TMC1: variants seen among roughly 807,000 people sequenced by gnomAD.
The protein encoded by TMC1 is transmembrane channel-like protein 1.
A neutral mutation model predicts 105.8 loss-of-function variants in TMC1; 84 were observed. The ratio of observed to expected loss-of-function variants is 0.79; its 90% CI spans 0.67 to 0.95. TMC1 has a LOEUF of 0.95. Ranked by LOEUF, TMC1 falls within the 40% of genes least tolerant of loss-of-function variation. The probability of loss-of-function intolerance (pLI) is 0.00; values close to 1 mark genes in which losing one functional copy is unlikely to be tolerated. For synonymous variants in TMC1, 315 were observed against 311.5 expected, an observed-to-expected ratio of 1.01 and a Z score of -0.12; for missense variants, 817 against 914.1, an observed-to-expected ratio of 0.89 and a Z score of 1.37.
At chr9:72,806,141 C>A (rs1281933933) in intron 18 of TMC1, among the ~76,000 whole-genome samples, 2 of 151,192 alleles carry the variant, frequency 1.3e-5, no homozygotes, top group Non-Finnish European at 3.0e-5. Context: ...GCGCCCCTCA[C>A]CTCCCGGGCG....
intron 2 of TMC1, among the ~76,000 whole-genome samples, chr9:72,592,312 G>C (rs964882121): frequency 6.6e-6 from 1 of 152,170 alleles, no homozygotes; most frequent in Non-Finnish European, 1.5e-5. Context: ...CATATATGTG[G>C]AACCTGGAAG....
At chr9:72,770,378 T>TA (rs1827905787) in intron 12 of TMC1, among the ~76,000 whole-genome samples, 1 of 132,774 alleles carries the variant, frequency 7.5e-6, no homozygotes, top group African/African-American at 3.0e-5. Context: ...ATTTATTATA[T>TA]AAATCTTTAT....
chr9:72,660,452 C>A (rs527351310), intron 5 of TMC1, among the ~76,000 whole-genome samples: 1 of 152,046 alleles, frequency 6.6e-6, no homozygotes, highest in Non-Finnish European at 1.5e-5. Flanking sequence ...AAAAAAATAA[C>A]CTTTTATTTT....
At chr9:72,811,565 A>G (rs939481040) in intron 18 of TMC1, among the ~76,000 whole-genome samples, 12 of 152,168 alleles carry the variant, frequency 7.9e-5, no homozygotes, top group Non-Finnish European at 2.9e-5. Context: ...TTTCATTGAC[A>G]CCATTCTTAC....
At chr9:72,626,406 G>T (rs1825347990) in intron 3 of TMC1, among the ~76,000 whole-genome samples, 1 of 152,144 alleles carries the variant, frequency 6.6e-6, no homozygotes, top group African/African-American at 2.4e-5. Flanking sequence ...AAGGAGAAAA[G>T]TGCTTGAAGT....
chr9:72,709,397 C>A (rs970731004), intron 8 of TMC1, among the ~76,000 whole-genome samples: 22 of 152,054 alleles, frequency 1.4e-4, no homozygotes, highest in Non-Finnish European at 8.8e-5. Flanking sequence ...AGGGAGTACT[C>A]CCTCTTTCTC....
chr9:72,762,376 A>T (rs1181642110), intron 12 of TMC1, among the ~76,000 whole-genome samples: 1 of 152,184 alleles, frequency 6.6e-6, no homozygotes, highest in African/African-American at 2.4e-5. Flanking sequence ...AGAGCTGAGC[A>T]GCACGCCCAG....
rs1345229123 is a variant in TMC1 at position 72,837,299 on chromosome 9, T to C, written c.*1326T>C. ...CCTAAGATCTCCGGCTCAGGTGTTT[T>C]CTATCTATTGGGAGACTGTCTTTCC... On this transcript the variant is annotated 3_prime_UTR_variant, in exon 24 of 24. Coordinates refer to ENST00000297784, the MANE Select transcript of TMC1 (RefSeq NM_138691.3). 1 of 152,220 alleles carries C rather than the reference T, an allele frequency of 6.6e-6. No individual in the cohort carries two copies. Among genetic ancestry groups the C allele is most frequent in the East Asian group, 1.9e-4 (1 of 5,194 alleles). 9.4% of individuals were successfully genotyped at this position (152,220 alleles called of 1,614,324 possible).
At chr9:72,707,974 A>C (rs769448420) in intron 8 of TMC1, among the ~76,000 whole-genome samples, 31 of 152,182 alleles carry the variant, frequency 2.0e-4, no homozygotes, top group Non-Finnish European at 4.0e-4. Flanking sequence ...ATTCTCCTGC[A>C]TGTGGCTAGC....
At chr9:72,589,343 TA>T (rs748079496) in intron 2 of TMC1, among the ~76,000 whole-genome samples, 41 of 152,250 alleles carry the variant, frequency 2.7e-4, no homozygotes, top group Non-Finnish European at 5.6e-4. Flanking sequence ...TGTGAACTAT[TA>T]ATACAATCTG....
intron 20 of TMC1, among the ~76,000 whole-genome samples, chr9:72,823,938 A>G (rs1016518781): frequency 6.6e-6 from 1 of 152,200 alleles, no homozygotes; most frequent in Admixed American, 6.5e-5. Context: ...ACTTTTTAGC[A>G]TTTTATATTC....
At position 72,676,044 on chromosome 9, in the gene TMC1, T is replaced by C. The variant is rs554921150; in HGVS notation, c.17-12665T>C. ...GCATGGACTAGAATTCATCCTCCAA[T>C]TGGTAACAAGAAAAAATTGGATGGG... On this transcript the variant is annotated intron_variant, in intron 5 of 23. Coordinates refer to ENST00000297784, the MANE Select transcript of TMC1 (RefSeq NM_138691.3). Among the ~76,000 whole-genome samples, 3 of 152,254 alleles carry C rather than the reference T, an allele frequency of 2.0e-5. No homozygotes were observed. In the East Asian group the frequency reaches 5.8e-4, roughly 29 times the overall value.
chr9:72,672,306 A>G (rs563132166), intron 5 of TMC1, among the ~76,000 whole-genome samples: 1 of 152,004 alleles, frequency 6.6e-6, no homozygotes, highest in Admixed American at 6.6e-5. Flanking sequence ...AGTGATGTAC[A>G]GACTTTGTTT....
chr9:72,629,923 T>C (rs1481437874), intron 4 of TMC1, among the ~76,000 whole-genome samples: 1 of 152,164 alleles, frequency 6.6e-6, no homozygotes, highest in Non-Finnish European at 1.5e-5. Context: ...TGGAGTGCAA[T>C]GGCGTGATCT....
At chr9:72,754,657 C>T in intron 11 of TMC1, 129 bp from the exon 12 acceptor site, 4 of 730,588 alleles carry the variant, frequency 5.5e-6, no homozygotes, top group Non-Finnish European at 7.4e-6. Context: ...AATGGGACCC[C>T]ACATGGAGAC....
chr9:72,581,483 CT>C (rs1824474228), intron 2 of TMC1, among the ~76,000 whole-genome samples: 1 of 152,120 alleles, frequency 6.6e-6, no homozygotes, highest in South Asian at 2.1e-4. Flanking sequence ...GTCTTTCATT[CT>C]TCTTTCTCAA....
chr9:72,683,919 C>T (rs539938364), intron 5 of TMC1, among the ~76,000 whole-genome samples: 1 of 151,196 alleles, frequency 6.6e-6, no homozygotes, highest in African/African-American at 2.4e-5. Context: ...TTTCTCCTCT[C>T]ATTCTTTTTC....
At chr9:72,617,447 C>T (rs561865561) in intron 3 of TMC1, among the ~76,000 whole-genome samples, 1 of 152,238 alleles carries the variant, frequency 6.6e-6, no homozygotes, top group Non-Finnish European at 1.5e-5. Flanking sequence ...CAGGCATGAG[C>T]CATTGTGCCT....
chr9:72,709,010 C>CG (rs35584155), intron 8 of TMC1, among the ~76,000 whole-genome samples: 17,944 of 142,522 alleles, frequency 0.13, 1,113 homozygotes, highest in Non-Finnish European at 0.15. Flanking sequence ...ATTTTTTTTT[C>CG]GGGGGGGTGG....
Sources: allele counts gnomAD v4.1 joint callset (sites outside exome capture counted in the v4.1 genomes callset), GRCh38; gene constraint gnomAD v4.1.1; transcripts MANE v1.5; gene names NCBI Gene and HGNC (gene_info 2026-07-23, HGNC 2026-07-21).